Variants in PTPRN2 observed in about 807,000 individuals in gnomAD.
The protein encoded by PTPRN2 is receptor-type tyrosine-protein phosphatase N2.
In PTPRN2, 74 loss-of-function variants were observed where a neutral mutation model predicts 118.8. The observed-to-expected ratio is 0.62, with a 90% confidence interval of 0.52 to 0.76. PTPRN2 has a LOEUF of 0.76. Among genes scored for constraint, PTPRN2 ranks in the 30% least tolerant of loss-of-function variants. The probability of loss-of-function intolerance (pLI) is 0.00; values close to 1 mark genes in which losing one functional copy is unlikely to be tolerated. For missense variants in PTPRN2, 1,481 were observed against 1,394.4 expected (o/e 1.06, Z -0.99); for synonymous variants, 641 against 608.0 (o/e 1.05, Z -0.80).
intron 10 of PTPRN2, among the ~76,000 whole-genome samples, chr7:158,098,847 G>A (rs989185619): frequency 5.9e-5 from 9 of 151,992 alleles, no homozygotes; most frequent in Non-Finnish European, 1.2e-4. Flanking sequence ...GACGGGGAAC[G>A]GGGCCGCGGG....
At chr7:157,569,049 C>T in intron 20 of PTPRN2, 83 bp from the exon 21 acceptor site, 1 of 1,300,430 alleles carries the variant, frequency 7.7e-7, no homozygotes, top group Non-Finnish European at 1.1e-6. Flanking sequence ...AGTTCATTTC[C>T]TTCCTGCTTA....
At position 158,574,913 on chromosome 7, in the gene PTPRN2, GATT is replaced by G. The variant is rs1383209760; in HGVS notation, c.112+12642_112+12644del. Among the ~76,000 whole-genome samples, 1,531 of 152,280 alleles carry G rather than the reference GATT, an allele frequency of 0.01. 22 individuals carry two copies. Among genetic ancestry groups the G allele is most frequent in the African/African-American group, 0.035 (1,454 of 41,534 alleles). On this transcript the variant is annotated intron_variant, in intron 1 of 22. Coordinates refer to ENST00000389418, the MANE Select transcript of PTPRN2 (RefSeq NM_002847.5). The surrounding 1 kb of genome is among the most constrained non-coding windows in gnomAD (Gnocchi z 4.6). ...CCCAGCAGCAGAGGTGAGAGCCACT[GATT>G]TACACGGCAGAACTGGCCACCACCA...
chr7:158,150,028 A>G (rs975820926), intron 6 of PTPRN2, among the ~76,000 whole-genome samples: 2 of 152,220 alleles, frequency 1.3e-5, no homozygotes, highest in African/African-American at 4.8e-5. Flanking sequence ...TAGGTGGCGT[A>G]GTGTGGCATC....
chr7:157,836,136 T>C (rs1047969502), intron 12 of PTPRN2, among the ~76,000 whole-genome samples: 1 of 152,234 alleles, frequency 6.6e-6, no homozygotes, highest in African/African-American at 2.4e-5. Flanking sequence ...TATGATAAAA[T>C]GTTTAAATCT....
intron 10 of PTPRN2, 67 bp downstream of exon 10, chr7:158,110,762 C>T: frequency 7.1e-7 from 1 of 1,408,576 alleles, no homozygotes; most frequent in Admixed American, 2.0e-5. Context: ...GCAGCTCCTT[C>T]CCTCCCACCC....
intron 17 of PTPRN2, among the ~76,000 whole-genome samples, chr7:157,580,594 ACCTGCACACCCCAGCC>A (rs748859251): frequency 5.1e-4 from 58 of 113,764 alleles, no homozygotes; most frequent in South Asian, 1.2e-3. Flanking sequence ...ACACCCCAGC[ACCTGCACACCCCAGCC>A]CCTGCACACC....
At position 158,320,053 on chromosome 7, in the gene PTPRN2, A is replaced by G. The variant is rs1197352398; in HGVS notation, c.164-3121T>C. On this transcript the variant is annotated intron_variant, in intron 2 of 22. Transcript: ENST00000389418. ...CACAGCCTCCCTCACACACACTCAC[A>G]GTCTCCCTCACACACACACACAGCC... 1.2e-4 allele frequency among the ~76,000 whole-genome samples: 8 copies of G among 64,256 alleles called. 1 individual carries two copies. Among genetic ancestry groups the G allele is most frequent in the Admixed American group, 9.0e-4 (6 of 6,662 alleles). 42.2% of individuals were successfully genotyped at this position (64,256 alleles called of 152,430 possible). A position where few individuals can be genotyped will look rare whatever the true frequency, so the allele number is the denominator to read the frequency against.
intron 11 of PTPRN2, among the ~76,000 whole-genome samples, chr7:158,035,403 T>C (rs141034030): frequency 0.01 from 1,585 of 152,248 alleles, 35 homozygotes; most frequent in African/African-American, 0.036. Context: ...AAATCCCAGA[T>C]GCCAGAACAG....
Position 157,548,979 on chromosome 7 carries a change from C to T in PTPRN2, c.2943G>A (p.Leu981=). Residue 981 remains leucine, a synonymous_variant, in exon 22 of 23, where the codon TTG becomes TTA. Coordinates refer to ENST00000389418, the MANE Select transcript of PTPRN2 (RefSeq NM_002847.5). ...EIDIAATLEH[L]RDQRPGMVQT... ...GGACCATGCCGGGTCTCTGGTCCCT[C>T]AAGTGCTCCAGGGTCGCTGCGATAT... The T allele has an allele frequency of 6.2e-7, 1 of 1,614,202 alleles. No individual in the cohort carries two copies. Among genetic ancestry groups the T allele is most frequent in the Non-Finnish European group, 8.5e-7 (1 of 1,180,030 alleles).
chr7:157,827,059 C>T (rs921898558), intron 12 of PTPRN2, among the ~76,000 whole-genome samples: 2 of 152,142 alleles, frequency 1.3e-5, no homozygotes, highest in Non-Finnish European at 2.9e-5. Flanking sequence ...ACACTAGGTT[C>T]TCTGGTCCTA....
intron 11 of PTPRN2, among the ~76,000 whole-genome samples, chr7:157,961,688 T>C (rs1017635271): frequency 2.6e-5 from 4 of 152,238 alleles, no homozygotes; most frequent in Non-Finnish European, 4.4e-5. Context: ...TCTCTATTCT[T>C]CAGTTTCCTG....
chr7:158,380,003 A>G (rs1810845216), intron 2 of PTPRN2, among the ~76,000 whole-genome samples: 3 of 152,154 alleles, frequency 2.0e-5, no homozygotes, highest in African/African-American at 7.2e-5. Flanking sequence ...TATCAGGAGA[A>G]CAGCAAGGGA....
chr7:158,044,992 T>C (rs1808740947), intron 11 of PTPRN2, among the ~76,000 whole-genome samples: 1 of 152,210 alleles, frequency 6.6e-6, no homozygotes, highest in African/African-American at 2.4e-5. Flanking sequence ...GTTATGTCAA[T>C]AACCACTGCT....
intron 12 of PTPRN2, among the ~76,000 whole-genome samples, chr7:157,789,470 C>T (rs940973629): frequency 2.0e-5 from 3 of 152,164 alleles, no homozygotes; most frequent in Admixed American, 6.5e-5. Flanking sequence ...TCAGGAGGCT[C>T]GTGGGAGGCC....
chr7:157,967,961 T>C (rs1280780958), intron 11 of PTPRN2, among the ~76,000 whole-genome samples: 4 of 152,206 alleles, frequency 2.6e-5, no homozygotes, highest in Non-Finnish European at 5.9e-5. Flanking sequence ...ACAATATTAG[T>C]TGGATCATTT....
At chr7:157,689,731 G>A (rs1797376652) in intron 12 of PTPRN2, among the ~76,000 whole-genome samples, 1 of 152,204 alleles carries the variant, frequency 6.6e-6, no homozygotes, top group Non-Finnish European at 1.5e-5. Context: ...CGCCTCACCT[G>A]GGGTGGGGGA....
At chr7:158,329,755 G>A (rs1211071917) in intron 2 of PTPRN2, among the ~76,000 whole-genome samples, 1 of 152,180 alleles carries the variant, frequency 6.6e-6, no homozygotes, top group Admixed American at 6.5e-5. Context: ...TAAGGAACTT[G>A]CTCAGAGTTG....
At position 157,690,915 on chromosome 7, in the gene PTPRN2, A is replaced by AGGGCGGGCTCC. The variant is rs1186418369; in HGVS notation, c.1789-7989_1789-7979dup. ...GCCGGGGCGCGGCGCGGGCGGGCTC[A>AGGGCGGGCTCC]GGGCGGGCTCCGGACGGTCCCGGTA... On this transcript the variant is annotated intron_variant, in intron 12 of 22. Transcript: ENST00000389418. This position sits in a 1 kb window ranked among gnomAD's most constrained non-coding sequence, Gnocchi z 7.1. Among the ~76,000 whole-genome samples, 4 of 145,322 alleles carry AGGGCGGGCTCC rather than the reference A, an allele frequency of 2.8e-5. No individual in the cohort carries two copies. In the East Asian group the frequency reaches 6.1e-4, roughly 22 times the overall value.
In PTPRN2 at chr7:157,808,074, G is replaced by A. The variant is rs1436601982; in HGVS notation, c.1788+90599C>T. Among the ~76,000 whole-genome samples, 1 of 152,188 alleles carries A rather than the reference G, an allele frequency of 6.6e-6. No individual in the cohort carries two copies. The highest frequency in any genetic ancestry group is 1.5e-5 in the Non-Finnish European group (1 of 68,038). On this transcript the variant is annotated intron_variant, in intron 12 of 22. Transcript: ENST00000389418. This position sits in a 1 kb window ranked among gnomAD's most constrained non-coding sequence, Gnocchi z 5.0. ...TCTGTAAAAGTCCATGGGCATCCCA[G>A]ATCTCCCACCCATGTCTTCCCACTG...
Sources: allele counts gnomAD v4.1 joint callset (sites outside exome capture counted in the v4.1 genomes callset), GRCh38; gene constraint gnomAD v4.1.1; non-coding constraint Gnocchi (gnomAD v3.1); transcripts MANE v1.5; gene names NCBI Gene and HGNC (gene_info 2026-07-23, HGNC 2026-07-21).